The following RHOH variants were observed in gnomAD, a reference collection of about 807,000 sequenced individuals.
RHOH encodes rho-related GTP-binding protein RhoH.
RHOH carries 6 observed loss-of-function variants against 13.8 expected under a neutral mutation model. That is an observed-to-expected ratio of 0.44 (90% CI 0.24 to 0.86). RHOH has a LOEUF of 0.86. Ranked by LOEUF, RHOH falls within the 40% of genes least tolerant of loss-of-function variation. RHOH has a pLI of 0.24. For missense variants in RHOH, 147 were observed against 244.5 expected (o/e 0.60, Z 2.66); for synonymous variants, 117 against 103.0 (o/e 1.14, Z -0.82).
At chr4:40,197,619 C>T (rs1178750362) in intron 1 of RHOH, among the ~76,000 whole-genome samples, 1 of 151,944 alleles carries the variant, frequency 6.6e-6, no homozygotes, top group African/African-American at 2.4e-5. Context: ...TAAATACTAC[C>T]CAAGGTTTGA....
chr4:40,238,367 G>C (rs1382426553), intron 1 of RHOH, among the ~76,000 whole-genome samples: 1 of 152,234 alleles, frequency 6.6e-6, no homozygotes, highest in African/African-American at 2.4e-5. Context: ...ATTGGTGTCT[G>C]TTAGCATGGC....
chr4:40,235,590 CAAA>C (rs34336418), intron 1 of RHOH, among the ~76,000 whole-genome samples: 1 of 74,796 alleles, frequency 1.3e-5, no homozygotes, highest in Non-Finnish European at 2.3e-5. Context: ...AACTTCATCT[CAAA>C]AAAAAAAAAA....
intron 1 of RHOH, among the ~76,000 whole-genome samples, chr4:40,206,681 G>A (rs1254513172): frequency 6.6e-6 from 1 of 151,956 alleles, no homozygotes; most frequent in East Asian, 1.9e-4. Context: ...AATAGGAGGG[G>A]AAAAGCCAGA....
At chr4:40,200,036 T>C (rs1023866592) in intron 1 of RHOH, among the ~76,000 whole-genome samples, 2 of 152,000 alleles carry the variant, frequency 1.3e-5, no homozygotes, top group African/African-American at 4.8e-5. Flanking sequence ...TCTGGAGCTT[T>C]GTGTATGAAA....
intron 1 of RHOH, among the ~76,000 whole-genome samples, chr4:40,214,377 G>A (rs187027917): frequency 5.3e-4 from 80 of 152,270 alleles, no homozygotes; most frequent in African/African-American, 1.7e-3. Flanking sequence ...TAATGCTTAC[G>A]TCCTGGGGTG....
intron 1 of RHOH, among the ~76,000 whole-genome samples, chr4:40,207,738 G>A (rs1001091075): frequency 5.3e-5 from 8 of 152,172 alleles, no homozygotes; most frequent in African/African-American, 9.7e-5. Flanking sequence ...AGGCCAAGGC[G>A]AACGGATTAC....
chr4:40,243,571 A>C lies in RHOH; in HGVS notation c.185A>C (p.Asn62Thr). 6.2e-7 allele frequency: 1 copy of C among 1,614,132 alleles called. No homozygotes were observed. The highest frequency in any genetic ancestry group is 8.5e-7 in the Non-Finnish European group (1 of 1,180,028). ...CTGGGCCTCTGGGACACAGCCGGCAATGACGCCTTCAGAAGCATCCGGCCC... is the reference window on the plus strand; with the variant it reads ...CTGGGCCTCTGGGACACAGCCGGCACTGACGCCTTCAGAAGCATCCGGCCC... ...ISLGLWDTAG[N>T]DAFRSIRPLS... The change falls in exon 3 of 3, where the codon AAT becomes ACT. Residue 62 changes from asparagine to threonine, a missense_variant. Physicochemically the swap from Asn to Thr is moderately conservative, Grantham distance 65. Around this residue, in one of 3 missense-constraint regions of RHOH, gnomAD observed 80 missense variants for 152.0 expected, o/e 0.53. Transcript: ENST00000381799. The surrounding 1 kb of genome is among the most constrained non-coding windows in gnomAD (Gnocchi z 6.2).
chr4:40,236,103 G>A (rs1246442023), intron 1 of RHOH, among the ~76,000 whole-genome samples: 1 of 152,182 alleles, frequency 6.6e-6, no homozygotes, highest in African/African-American at 2.4e-5. Context: ...ATTACAGTGT[G>A]TGTTGGTGAC....
Position 40,204,998 on chromosome 4 carries a change from C to T in RHOH, c.-331+7698C>T, listed in dbSNP as rs192527567. 7.3e-4 allele frequency among the ~76,000 whole-genome samples: 111 copies of T among 152,132 alleles called. 1 individual carries two copies. The highest frequency in any genetic ancestry group is 1.4e-3 in the Non-Finnish European group (93 of 68,004). On this transcript the variant is annotated intron_variant, in intron 1 of 2. Coordinates refer to ENST00000381799, the MANE Select transcript of RHOH (RefSeq NM_004310.5). The stretch of plus-strand genomic sequence containing the variant: ...GCAGGCAGGGCCGGGCGAGGTGGCT[C>T]ACACTTGTAATCCCAGCACTTTGGG...
intron 1 of RHOH, among the ~76,000 whole-genome samples, chr4:40,220,086 A>G (rs1161304575): frequency 6.6e-6 from 1 of 152,140 alleles, no homozygotes; most frequent in East Asian, 1.9e-4. Flanking sequence ...AGGGCTTTTT[A>G]CAAATTGGCC....
At position 40,243,410 on chromosome 4, in the gene RHOH, G is replaced by T; in HGVS notation, c.24G>T (p.Val8=). The change falls in exon 3 of 3, where the codon GTG becomes GTT. Residue 8 remains valine (V), a synonymous_variant. Coordinates refer to ENST00000381799, the MANE Select transcript of RHOH (RefSeq NM_004310.5). This position sits in a 1 kb window ranked among gnomAD's most constrained non-coding sequence, Gnocchi z 6.2. Reference sequence around the variant, plus strand: ...AGATGCTGAGTTCCATCAAGTGCGTGTTGGTGGGCGACTCTGCTGTGGGGA... The same window carrying T: ...AGATGCTGAGTTCCATCAAGTGCGTTTTGGTGGGCGACTCTGCTGTGGGGA... MLSSIKC[V]LVGDSAVGKT... The T allele has an allele frequency of 6.2e-7, 1 of 1,601,278 alleles. No individual in the cohort carries two copies. The highest frequency in any genetic ancestry group is 8.5e-7 in the Non-Finnish European group (1 of 1,172,664).
chr4:40,241,623 C>T (rs1159303474), intron 1 of RHOH, among the ~76,000 whole-genome samples: 1 of 152,174 alleles, frequency 6.6e-6, no homozygotes, highest in Non-Finnish European at 1.5e-5. Flanking sequence ...GACGCGGTGG[C>T]TCACACCTGT....
intron 1 of RHOH, among the ~76,000 whole-genome samples, chr4:40,232,809 G>A (rs1372653113): frequency 2.6e-5 from 4 of 152,042 alleles, no homozygotes; most frequent in African/African-American, 9.7e-5. Context: ...ATGCCCCTGG[G>A]CCTTTGCACA....
chr4:40,193,479 CGAGAGAGAGAGAGA>C (rs34244157), upstream of RHOH, among the ~76,000 whole-genome samples: 2 of 88,664 alleles, frequency 2.3e-5, no homozygotes, highest in African/African-American at 4.7e-5. Flanking sequence ...AGAATGAGAG[CGAGAGAGAGAGAGA>C]GAGAGAGAGA....
At position 40,243,136 on chromosome 4, in the gene RHOH, A is replaced by G. The variant is rs541055778; in HGVS notation, c.-209-42A>G. 9.7e-6 allele frequency: 4 copies of G among 413,410 alleles called. No homozygotes were observed. The highest frequency in any genetic ancestry group is 2.0e-5 in the African/African-American group (1 of 49,304). The allele number at this position is 413,410 out of a possible 1,614,324, so 25.6% of individuals were successfully genotyped here. A position where few individuals can be genotyped will look rare whatever the true frequency, so the allele number is the denominator to read the frequency against. On this transcript the variant is annotated intron_variant, in intron 2 of 2. Transcript: ENST00000381799. This position sits in a 1 kb window ranked among gnomAD's most constrained non-coding sequence, Gnocchi z 6.2. ...CCCTTATCTTCAAAAAAGGCAAGAA[A>G]GAAAGAAAGACTTCATTTTCCCCCT...
intron 1 of RHOH, among the ~76,000 whole-genome samples, chr4:40,207,042 T>C (rs1412926234): frequency 6.6e-6 from 1 of 151,764 alleles, no homozygotes; most frequent in Non-Finnish European, 1.5e-5. Flanking sequence ...CCCCGTCTCT[T>C]CTAAAACTAC....
At chr4:40,216,669 T>C (rs1261678269) in intron 1 of RHOH, among the ~76,000 whole-genome samples, 4 of 152,214 alleles carry the variant, frequency 2.6e-5, no homozygotes, top group Non-Finnish European at 4.4e-5. Flanking sequence ...AAAAAATGTT[T>C]TTAGTAGGTA....
chr4:40,206,498 C>A (rs562608539), intron 1 of RHOH, among the ~76,000 whole-genome samples: 5 of 152,204 alleles, frequency 3.3e-5, no homozygotes, highest in African/African-American at 7.2e-5. Flanking sequence ...ATTACAAAAA[C>A]CTTTAAGGGG....
intron 1 of RHOH, among the ~76,000 whole-genome samples, chr4:40,201,202 G>A (rs867472264): frequency 1.3e-5 from 2 of 152,072 alleles, no homozygotes; most frequent in African/African-American, 2.4e-5. Flanking sequence ...ATGTTTGAGG[G>A]TGGGTAGACA....
Sources: allele counts gnomAD v4.1 joint callset (sites outside exome capture counted in the v4.1 genomes callset), GRCh38; gene constraint gnomAD v4.1.1; regional missense constraint gnomAD v4.1.1; non-coding constraint Gnocchi (gnomAD v3.1); transcripts MANE v1.5; gene names NCBI Gene and HGNC (gene_info 2026-07-23, HGNC 2026-07-21).